COL16A1: variants seen among roughly 807,000 people sequenced by gnomAD.
The protein encoded by COL16A1 is collagen type XVI alpha 1 chain, also known as collagen alpha-1(XVI) chain.
In COL16A1, 189 loss-of-function variants were observed where a neutral mutation model predicts 266.3. That is an observed-to-expected ratio of 0.71 (90% confidence interval 0.63 to 0.80). The LOEUF is 0.80. Among genes scored for constraint, COL16A1 ranks in the 30% least tolerant of loss-of-function variants. The pLI, the probability that COL16A1 is intolerant of heterozygous loss-of-function variation, is 0.00. For synonymous variants in COL16A1, 740 were observed against 782.3 expected (o/e 0.95, Z 0.90); for missense variants, 1,928 against 2,122.4 (o/e 0.91, Z 1.80).
Position 31,698,148 on chromosome 1 carries a change from C to T in COL16A1, c.415G>A (p.Glu139Lys). The T allele has an allele frequency of 6.2e-7, 1 of 1,613,860 alleles. No individual in the cohort carries two copies. Among genetic ancestry groups the T allele is most frequent in the Middle Eastern group, 1.6e-4 (1 of 6,062 alleles). The change falls in exon 6 of 71, where the codon GAG becomes AAG. Residue 139 changes from glutamate to lysine, a missense_variant. Physicochemically the swap from Glu to Lys is moderately conservative, Grantham distance 56. Around this residue, in one of 2 missense-constraint regions of COL16A1, gnomAD observed 1,552 missense variants for 1,637.2 expected, o/e 0.95. Transcript: ENST00000373672. The surrounding 1 kb of genome is among the most constrained non-coding windows in gnomAD (Gnocchi z 4.1). ...TGGGCCCTGAGCTCCAGGCTCCGCT[C>T]TTGGCTGTTGACTTCCAGGGATATC... ...PQISLEVNSQ[E>K]RSLELRAQGQ...
At chr1:31,660,933 G>A (rs1419393219) in intron 61 of COL16A1, 133 bp downstream of exon 61, 1 of 1,034,528 alleles carries the variant, frequency 9.7e-7, no homozygotes, top group South Asian at 1.6e-5. Context: ...GCAGTGTTGG[G>A]TGACACCCCT....
chr1:31,675,972 T>C (rs6425779), intron 42 of COL16A1, among the ~76,000 whole-genome samples: 4,703 of 152,300 alleles, frequency 0.031, 235 homozygotes, highest in African/African-American at 0.1. Flanking sequence ...TCTCGTTTAA[T>C]CATCACAGCT....
chr1:31,699,693 C>T (rs1644647412), intron 4 of COL16A1, 120 bp downstream of exon 4: 2 of 710,986 alleles, frequency 2.8e-6, no homozygotes, highest in African/African-American at 3.5e-5. Context: ...TGACTCCTGG[C>T]AGGGGCTGGG....
At chr1:31,703,278 A>G (rs10493049) in intron 1 of COL16A1, among the ~76,000 whole-genome samples, 30,477 of 152,070 alleles carry the variant, frequency 0.2, 3,631 homozygotes, top group South Asian at 0.35. Flanking sequence ...AACTCTAATG[A>G]AATCCAATTT....
chr1:31,681,150 C>T (rs1643612078), intron 37 of COL16A1, 83 bp from the exon 38 acceptor site: 1 of 1,508,648 alleles, frequency 6.6e-7, no homozygotes, highest in African/African-American at 1.4e-5. Context: ...GGGTGTAGGA[C>T]AAACAGAAGC....
chr1:31,656,229 A>G lies in COL16A1; in HGVS notation c.4101+171T>C, dbSNP rs1010311861. On this transcript the variant is annotated intron_variant, in intron 66 of 70. Coordinates refer to ENST00000373672, the MANE Select transcript of COL16A1 (RefSeq NM_001856.4). The surrounding 1 kb of genome is among the most constrained non-coding windows in gnomAD (Gnocchi z 4.2). The stretch of plus-strand genomic sequence containing the variant: ...GATTTCCTTCCCCCCAACCACAGCT[A>G]ATGACCCCATGTGAGAAATTTTCAG... 1 of 1,026,436 alleles carries G rather than the reference A, an allele frequency of 9.7e-7. No individual in the cohort carries two copies. The highest frequency in any genetic ancestry group is 1.4e-6 in the Non-Finnish European group (1 of 703,682). The allele number at this position is 1,026,436 out of a possible 1,614,324, so 63.6% of individuals were successfully genotyped here.
rs367568800 is a variant in COL16A1 at position 31,688,852 on chromosome 1, G to A, written c.1767+9C>T. ...AACTGGGCTGGGCTGGGAGAAAGTC[G>A]TCACTCACCGGAAGGCCAGGCAGAC... On this transcript the variant is annotated intron_variant, in intron 25 of 70. Coordinates refer to ENST00000373672, the MANE Select transcript of COL16A1 (RefSeq NM_001856.4). This position sits in a 1 kb window ranked among gnomAD's most constrained non-coding sequence, Gnocchi z 4.9. 64 of 1,610,730 alleles carry A rather than the reference G, an allele frequency of 4.0e-5. 1 individual carries two copies. Among genetic ancestry groups the A allele is most frequent in the South Asian group, 3.6e-4 (33 of 90,788 alleles).
At chr1:31,696,889 C>A (rs1000733341) in intron 8 of COL16A1, 74 bp downstream of exon 8, 1 of 1,595,754 alleles carries the variant, frequency 6.3e-7, no homozygotes, top group Non-Finnish European at 8.6e-7. Context: ...TGGTGGCAGA[C>A]GTCAGTCAGC....
Position 31,685,817 on chromosome 1 carries a change from C to T in COL16A1, c.1885-47G>A. ...TTAGGGGGTCCCCCAGGCCCTAGTG[C>T]ACTTGAGCGAGGTTTGGAATCTAGG... On this transcript the variant is annotated intron_variant, in intron 28 of 70. Transcript: ENST00000373672. The surrounding 1 kb of genome is among the most constrained non-coding windows in gnomAD (Gnocchi z 4.0). 1.2e-6 allele frequency: 2 copies of T among 1,603,792 alleles called. No individual in the cohort carries two copies. The highest frequency in any genetic ancestry group is 1.1e-5 in the South Asian group (1 of 90,650).
chr1:31,684,628 A>G lies in COL16A1; in HGVS notation c.2055T>C (p.Gly685=). Reference sequence around the variant, plus strand: ...CAGGGTCTCCAGGATTCCCAGCATCACCCTGTAAGGAGTGGGGTTCAAGGA... The same window carrying G: ...CAGGGTCTCCAGGATTCCCAGCATCGCCCTGTAAGGAGTGGGGTTCAAGGA... ...AGERGLKGQK[G]DAGNPGDPGT... is the part of the protein sequence containing the mutation. The change falls in exon 31 of 71, where the codon GGT becomes GGC. Residue 685 remains glycine, a splice_region_variant and synonymous_variant. Transcript: ENST00000373672. The G allele has an allele frequency of 6.2e-7, 1 of 1,613,432 alleles. No homozygotes were observed. The highest frequency in any genetic ancestry group is 1.7e-5 in the Admixed American group (1 of 59,988).
At position 31,653,644 on chromosome 1, in the gene COL16A1, TG is replaced by T; in HGVS notation, c.4566del (p.Asp1522GlufsTer75). The stretch of plus-strand genomic sequence containing the variant: ...TTTTCTCCTGCAATGCCAATACCAA[TG>T]TCCCCTTTTTCACCTTTGGTACCAG... ...GLPGTKGEKG[D>X]IGIGIAGENG... On this transcript the variant is annotated frameshift_variant, in exon 70 of 71. Coordinates refer to ENST00000373672, the MANE Select transcript of COL16A1 (RefSeq NM_001856.4). LOFTEE classifies it high-confidence loss of function. 1 of 1,613,964 alleles carries T rather than the reference TG, an allele frequency of 6.2e-7. No homozygotes were observed. The highest frequency in any genetic ancestry group is 8.5e-7 in the Non-Finnish European group (1 of 1,179,938).
chr1:31,679,696 G>A lies in COL16A1; in HGVS notation c.2719-11C>T, dbSNP rs368289383. 71 of 1,613,874 alleles carry A rather than the reference G, an allele frequency of 4.4e-5. 2 individuals carry two copies. The South Asian group carries it at 7.4e-4, about 17-fold the overall frequency. ...AATACCTGGTGGACCCTGAGGGAGA[G>A]AGAAAAGAGTCAGAGCCAGCAGAGA... On this transcript the variant is annotated splice_polypyrimidine_tract_variant and intron_variant, in intron 41 of 70. Transcript: ENST00000373672.
intron 61 of COL16A1, 140 bp downstream of exon 61, chr1:31,660,926 G>A: frequency 3.1e-6 from 3 of 979,344 alleles, no homozygotes; most frequent in Non-Finnish European, 4.5e-6. Context: ...AAGACGTGCA[G>A]TGTTGGGTGA....
In COL16A1 at chr1:31,665,848, G is replaced by A. The variant is rs776757217; in HGVS notation, c.3456+34C>T. On this transcript the variant is annotated intron_variant, in intron 54 of 70. Coordinates refer to ENST00000373672, the MANE Select transcript of COL16A1 (RefSeq NM_001856.4). ...TCACCAGGGACCCAGCTCCTTCCCT[G>A]CCTCCCTGCAGCCAGGTCCCAGTCG... 6 of 1,613,932 alleles carry A rather than the reference G, an allele frequency of 3.7e-6. No homozygotes were observed. The East Asian group carries it at 1.1e-4, about 30-fold the overall frequency.
chr1:31,689,576 T>C (rs1644160242), intron 23 of COL16A1, 165 bp downstream of exon 23: 2 of 638,288 alleles, frequency 3.1e-6, no homozygotes, highest in Admixed American at 5.7e-5. Context: ...CTGAGTTCTA[T>C]GGTTCAGACC....
At chr1:31,687,516 G>A (rs1282261687) in intron 26 of COL16A1, among the ~76,000 whole-genome samples, 1 of 151,986 alleles carries the variant, frequency 6.6e-6, no homozygotes, top group Non-Finnish European at 1.5e-5. Flanking sequence ...CACCATGCAG[G>A]AGAGAGGCCA....
chr1:31,701,497 G>A (rs1644723060), intron 2 of COL16A1: 1 of 985,270 alleles, frequency 1.0e-6, no homozygotes, highest in Non-Finnish European at 1.2e-6. Flanking sequence ...GAGCTACTGA[G>A]CCCAGAGGGC....
At chr1:31,679,510 G>A (rs1362251013) in intron 42 of COL16A1, 122 bp downstream of exon 42, 1 of 1,613,924 alleles carries the variant, frequency 6.2e-7, no homozygotes, top group African/African-American at 1.3e-5. Context: ...ACAGAGGAGT[G>A]AGAAATGGCA....
At position 31,691,211 on chromosome 1, in the gene COL16A1, G is replaced by C. The variant is rs1332049583; in HGVS notation, c.1414C>G (p.Pro472Ala). The C allele has an allele frequency of 1.2e-6, 2 of 1,613,846 alleles. No individual in the cohort carries two copies. The highest frequency in any genetic ancestry group is 1.7e-6 in the Non-Finnish European group (2 of 1,179,934). Residue 472 changes from proline to alanine, a missense_variant, in exon 20 of 71, where the codon CCA (proline) becomes GCA (alanine). By Grantham distance (27) the Pro-to-Ala change is conservative. Transcript: ENST00000373672. ...LPGTPGDPGGPPGPKGDKGSS... is the reference protein window; with the variant it reads ...LPGTPGDPGGAPGPKGDKGSS... Reference sequence around the variant, plus strand: ...ACCTTGTCTCCCTTGGGGCCTGGTGGGCCACCTGGATCCCCCTGAGGGCAG... The same window carrying C: ...ACCTTGTCTCCCTTGGGGCCTGGTGCGCCACCTGGATCCCCCTGAGGGCAG...
Sources: gnomAD v4.1 joint callset for allele counts (sites outside exome capture counted in the v4.1 genomes callset) on GRCh38, gnomAD v4.1.1 for gene constraint, gnomAD v4.1.1 regional missense constraint, Gnocchi (gnomAD v3.1) non-coding constraint, MANE v1.5 for transcripts, NCBI Gene and HGNC (gene_info 2026-07-23, HGNC 2026-07-21) for gene names.